RASA3: variants seen among roughly 807,000 people sequenced by gnomAD.
RASA3 encodes the protein RAS p21 protein activator 3.
A neutral mutation model predicts 110.0 loss-of-function variants in RASA3; 73 were observed. The ratio of observed to expected loss-of-function variants is 0.66; its 90% CI spans 0.55 to 0.81. RASA3 has a LOEUF of 0.81. RASA3 is among the 30% of genes least tolerant of loss of function. The pLI, the probability that RASA3 is intolerant of heterozygous loss-of-function variation, is 0.00. For synonymous variants in RASA3, 500 were observed against 451.4 expected (o/e 1.11, Z -1.37); for missense variants, 976 against 1,113.2 (o/e 0.88, Z 1.75).
chr13:114,027,338 G>A (rs767569134), intron 7 of RASA3, 51 bp downstream of exon 7: 11 of 1,398,330 alleles, frequency 7.9e-6, no homozygotes, highest in Admixed American at 1.7e-5. Flanking sequence ...TTCTGCCAAC[G>A]TGTCTCGGGT....
At chr13:114,052,633 G>C (rs1023498294) in intron 2 of RASA3, among the ~76,000 whole-genome samples, 1 of 152,158 alleles carries the variant, frequency 6.6e-6, no homozygotes, top group Non-Finnish European at 1.5e-5. Context: ...CTCACTCCTC[G>C]GGGAGAGACC....
In RASA3 at chr13:114,017,340, G is replaced by T. The variant is rs1283386138; in HGVS notation, c.1103C>A (p.Thr368Asn). Residue 368 changes from threonine to asparagine, a missense_variant, in exon 12 of 24, where the codon ACC becomes AAC. Thr to Asn is a moderately conservative substitution (Grantham distance 65, BLOSUM62 0). This residue lies in a region of RASA3 where 732 missense variants were observed against 779.7 expected (regional missense o/e 0.94). Transcript: ENST00000334062. The stretch of plus-strand genomic sequence containing the variant: ...CGCCAGTGAGTTTCCTCGGAAGATG[G>T]TGTTGGGGTCCCTGGGAAATGGCGA... The part of the protein sequence containing the change: ...AEVKRTQDPN[T>N]IFRGNSLASK... The T allele has an allele frequency of 6.2e-7, 1 of 1,613,856 alleles. No homozygotes were observed. The highest frequency in any genetic ancestry group is 8.5e-7 in the Non-Finnish European group (1 of 1,179,936).
At chr13:114,080,707 T>TATCCCCCAGGGGCCA (rs2079771841) in intron 1 of RASA3, among the ~76,000 whole-genome samples, 1 of 151,806 alleles carries the variant, frequency 6.6e-6, no homozygotes, top group Non-Finnish European at 1.5e-5. Flanking sequence ...GAAACAGGGG[T>TATCCCCCAGGGGCCA]CTCCCCCAGG....
chr13:114,110,158 C>T (rs2080197922), intron 1 of RASA3, among the ~76,000 whole-genome samples: 1 of 152,174 alleles, frequency 6.6e-6, no homozygotes, highest in South Asian at 2.1e-4. Flanking sequence ...TCAACAGACA[C>T]AGAAATGCTC....
In RASA3 at chr13:114,048,869, C is replaced by A. The variant is rs910620959; in HGVS notation, c.277+3183G>T. 6.9e-6 allele frequency among the ~76,000 whole-genome samples: 1 copy of A among 144,442 alleles called. No homozygotes were observed. The highest frequency in any genetic ancestry group is 1.5e-5 in the Non-Finnish European group (1 of 65,578). The allele number at this position is 144,442 out of a possible 152,430, so 94.8% of individuals were successfully genotyped here. A position where few individuals can be genotyped will look rare whatever the true frequency, so the allele number is the denominator to read the frequency against. ...AGCTGACTGCAGCCGGTGGAGGTGC[C>A]GGGGTGGGCTGGGGAGGGCTGAGGG... On this transcript the variant is annotated intron_variant, in intron 3 of 23. Coordinates refer to ENST00000334062, the MANE Select transcript of RASA3 (RefSeq NM_007368.4). The surrounding 1 kb of genome is among the most constrained non-coding windows in gnomAD (Gnocchi z 4.3).
chr13:114,117,738 A>AT (rs2080310425), intron 1 of RASA3, among the ~76,000 whole-genome samples: 1 of 86,786 alleles, frequency 1.2e-5, no homozygotes, highest in African/African-American at 4.6e-5. Flanking sequence ...GTGTGAGGAG[A>AT]GCACGTGTGT....
At chr13:114,008,423 C>G (rs2053563292) in intron 17 of RASA3, among the ~76,000 whole-genome samples, 1 of 22,588 alleles carries the variant, frequency 4.4e-5, no homozygotes, top group Admixed American at 4.1e-4. Flanking sequence ...CAGAGCCCTG[C>G]GGTCTGGACG....
intron 18 of RASA3, among the ~76,000 whole-genome samples, chr13:114,002,367 T>C (rs1208709585): frequency 1.3e-5 from 2 of 152,270 alleles, no homozygotes; most frequent in African/African-American, 4.8e-5. Context: ...GACAGCGCAG[T>C]TCACAACCAG....
chr13:114,017,232 C>A lies in RASA3; in HGVS notation c.1206+5G>T, dbSNP rs1251058201. On this transcript the variant is annotated splice_donor_5th_base_variant and intron_variant, in intron 12 of 23. Transcript: ENST00000334062. Reference sequence around the variant, plus strand: ...GAGGCTGAGGACTCTCGGCCCCGTGCTCACCTCCTCGATGGCGGGCTTCAG... The same window carrying A: ...GAGGCTGAGGACTCTCGGCCCCGTGATCACCTCCTCGATGGCGGGCTTCAG... 1 of 1,611,882 alleles carries A rather than the reference C, an allele frequency of 6.2e-7. No individual in the cohort carries two copies. Among genetic ancestry groups the A allele is most frequent in the Non-Finnish European group, 8.5e-7 (1 of 1,178,668 alleles).
chr13:114,093,486 C>T (rs1026648442), intron 1 of RASA3, among the ~76,000 whole-genome samples: 3 of 152,234 alleles, frequency 2.0e-5, no homozygotes, highest in African/African-American at 2.4e-5. Context: ...CTGCTTTTGA[C>T]ATCATCTCTT....
At position 114,000,826 on chromosome 13, in the gene RASA3, C is replaced by A. The variant is rs1231414044; in HGVS notation, c.1849G>T (p.Gly617Trp). 1.2e-6 allele frequency: 2 copies of A among 1,604,304 alleles called. No individual in the cohort carries two copies. The highest frequency in any genetic ancestry group is 1.7e-6 in the Non-Finnish European group (2 of 1,171,096). The change falls in exon 19 of 24, where the codon GGG becomes TGG. Residue 617 changes from glycine to tryptophan, a missense_variant and splice_region_variant. Gly to Trp is a radical substitution (Grantham distance 184, BLOSUM62 -2). Around this residue, in one of 4 missense-constraint regions of RASA3, gnomAD observed 109 missense variants for 162.5 expected, o/e 0.67. Transcript: ENST00000334062. ...CAGGGAAAGCGACCTTGCTCCTTAC[C>A]TTTGCTTTTGTGGTAGGTAAATTCA... ...NHEFTYHKSK[G>W]DQPLYSIPIE... is the part of the protein sequence containing the mutation.
At position 114,014,519 on chromosome 13, in the gene RASA3, G is replaced by A. The variant is rs116798928; in HGVS notation, c.1405+690C>T. 7.5e-3 allele frequency among the ~76,000 whole-genome samples: 1,140 copies of A among 152,252 alleles called. 14 individuals carry two copies. Among genetic ancestry groups the A allele is most frequent in the African/African-American group, 0.026 (1,068 of 41,562 alleles). ...AGGACACGCAAGGAAGAGAGGAGCC[G>A]GCAGCAAGGCCCTCGCTGAGCCTCT... is the stretch of plus-strand genomic sequence containing the variant. On this transcript the variant is annotated intron_variant, in intron 14 of 23. Coordinates refer to ENST00000334062, the MANE Select transcript of RASA3 (RefSeq NM_007368.4). This position sits in a 1 kb window ranked among gnomAD's most constrained non-coding sequence, Gnocchi z 4.5.
At chr13:114,058,336 C>A (rs193194125) in intron 2 of RASA3, among the ~76,000 whole-genome samples, 42 of 152,266 alleles carry the variant, frequency 2.8e-4, no homozygotes, top group East Asian at 2.5e-3. Context: ...ATTCCTCGGG[C>A]GTGAGGCTCA....
intron 1 of RASA3, among the ~76,000 whole-genome samples, chr13:114,106,101 G>A (rs558900976): frequency 1.1e-4 from 17 of 152,264 alleles, no homozygotes; most frequent in African/African-American, 3.6e-4. Context: ...GGCAGCCTCC[G>A]GATGGGCGCA....
intron 1 of RASA3, among the ~76,000 whole-genome samples, chr13:114,122,317 A>C (rs2080389406): frequency 1.3e-5 from 2 of 152,222 alleles, no homozygotes; most frequent in South Asian, 4.1e-4. Context: ...GCCCTGTTGG[A>C]GCATCCCACC....
chr13:114,108,266 ACCCCGTGTCTGTCATCCCCG>A (rs2080164181), intron 1 of RASA3, among the ~76,000 whole-genome samples: 3 of 27,128 alleles, frequency 1.1e-4, no homozygotes, highest in African/African-American at 3.6e-4. Context: ...TGCATCCGTC[ACCCCGTGTCTGTCATCCCCG>A]TCCGTCACCC....
intron 2 of RASA3, among the ~76,000 whole-genome samples, chr13:114,055,023 CAT>C (rs1566533835): frequency 6.6e-6 from 1 of 151,734 alleles, no homozygotes; most frequent in Non-Finnish European, 1.5e-5. Context: ...TGCCCACAGG[CAT>C]GTGTGTGGGT....
intron 1 of RASA3, among the ~76,000 whole-genome samples, chr13:114,122,118 T>C (rs2080386771): frequency 6.6e-6 from 1 of 152,232 alleles, no homozygotes; most frequent in Non-Finnish European, 1.5e-5. Context: ...CAGGCGTCCC[T>C]TCCAGGCTGC....
chr13:114,121,142 A>C (rs1224640120), intron 1 of RASA3, among the ~76,000 whole-genome samples: 1 of 152,262 alleles, frequency 6.6e-6, no homozygotes, highest in African/African-American at 2.4e-5. Flanking sequence ...ATTGCACAGC[A>C]GTTGCCAGAA....
Sources: gnomAD v4.1 joint callset for allele counts (sites outside exome capture counted in the v4.1 genomes callset) on GRCh38, gnomAD v4.1.1 for gene constraint, gnomAD v4.1.1 regional missense constraint, Gnocchi (gnomAD v3.1) non-coding constraint, MANE v1.5 for transcripts, NCBI Gene and HGNC (gene_info 2026-07-23, HGNC 2026-07-21) for gene names.